Variants in PLAT observed in about 807,000 individuals in gnomAD.
PLAT encodes the protein tissue-type plasminogen activator.
A neutral mutation model predicts 74.9 loss-of-function variants in PLAT; 48 were observed. That is an observed-to-expected ratio of 0.64 (90% CI 0.51 to 0.82). The LOEUF (loss-of-function observed/expected upper bound fraction) is 0.82. PLAT is among the 40% of genes least tolerant of loss of function. The pLI is 0.00. For synonymous variants in PLAT, 307 were observed against 294.4 expected, an observed-to-expected ratio of 1.04 and a Z score of -0.44; for missense variants, 673 against 736.2, an observed-to-expected ratio of 0.91 and a Z score of 0.99.
chr8:42,178,332 G>A lies in PLAT; in HGVS notation c.1530+565C>T, dbSNP rs556450359. ...GTTGCCCAGGCTGAAGCGCAATGGCGCGATCTCGGCTCACTGCAACCTCTG... is the reference window on the plus strand; with the variant it reads ...GTTGCCCAGGCTGAAGCGCAATGGCACGATCTCGGCTCACTGCAACCTCTG... On this transcript the variant is annotated intron_variant, in intron 13 of 13. Transcript: ENST00000220809. 2.2e-4 allele frequency among the ~76,000 whole-genome samples: 32 copies of A among 147,968 alleles called. No individual in the cohort carries two copies. In the South Asian group the frequency reaches 5.1e-3, roughly 24 times the overall value.
At chr8:42,190,197 G>C (rs1452753472) in intron 3 of PLAT, among the ~76,000 whole-genome samples, 1 of 152,158 alleles carries the variant, frequency 6.6e-6, no homozygotes, top group Non-Finnish European at 1.5e-5. Flanking sequence ...GCCTCCTAAA[G>C]TGCTGGAGTT....
At chr8:42,191,182 G>A (rs1044184043) in intron 3 of PLAT, among the ~76,000 whole-genome samples, 190 bp downstream of exon 3, 1 of 152,146 alleles carries the variant, frequency 6.6e-6, no homozygotes, top group African/African-American at 2.4e-5. Context: ...ATCAGAACCC[G>A]CCCAGTGGCC....
At chr8:42,191,141 G>A (rs8178734) in intron 3 of PLAT, among the ~76,000 whole-genome samples, 3 of 152,108 alleles carry the variant, frequency 2.0e-5, no homozygotes, top group South Asian at 2.1e-4. Flanking sequence ...TGGCTCCTTG[G>A]GGGGGAACAC....
intron 3 of PLAT, among the ~76,000 whole-genome samples, chr8:42,190,134 A>G (rs904389559): frequency 6.6e-5 from 10 of 151,708 alleles, no homozygotes; most frequent in Admixed American, 6.6e-5. Flanking sequence ...GTGTCTCACT[A>G]TGTTGCCCAT....
chr8:42,179,709 C>T (rs1317561410), intron 12 of PLAT, among the ~76,000 whole-genome samples: 1 of 152,194 alleles, frequency 6.6e-6, no homozygotes, highest in East Asian at 1.9e-4. Context: ...TGCAGCACTT[C>T]GAGGCCCTCA....
chr8:42,202,359 A>G (rs1449164206), intron 1 of PLAT, among the ~76,000 whole-genome samples: 1 of 152,002 alleles, frequency 6.6e-6, no homozygotes, highest in East Asian at 1.9e-4. Flanking sequence ...ATACTGGGTT[A>G]TCGGGTTTAG....
At position 42,176,178 on chromosome 8, in the gene PLAT, T is replaced by G. The variant is rs767714667; in HGVS notation, c.1531-27A>C. The G allele has an allele frequency of 5.0e-6, 8 of 1,588,346 alleles. No homozygotes were observed. In the African/African-American group the frequency reaches 1.1e-4, roughly 22 times the overall value. On this transcript the variant is annotated intron_variant, in intron 13 of 13. Coordinates refer to ENST00000220809, the MANE Select transcript of PLAT (RefSeq NM_000930.5). Reference sequence around the variant, plus strand: ...TGCAAAGGAGATAGCAGGTTTGGCGTTTGCAAAAAAAGCAGACTATCTGGA... The same window carrying G: ...TGCAAAGGAGATAGCAGGTTTGGCGGTTGCAAAAAAAGCAGACTATCTGGA...
chr8:42,187,451 G>A lies in PLAT; in HGVS notation c.486C>T (p.Ser162=), dbSNP rs372015609. The change falls in exon 6 of 14, where the codon AGC becomes AGT. Residue 162 remains serine, a synonymous_variant. Coordinates refer to ENST00000220809, the MANE Select transcript of PLAT (RefSeq NM_000930.5). ...GCCTGATGGCGTCTGGCCTCCGCCCGCTGTAGGGCTTCTGGGCCAACGCGC... is the reference window on the plus strand; with the variant it reads ...GCCTGATGGCGTCTGGCCTCCGCCCACTGTAGGGCTTCTGGGCCAACGCGC... ...NSSALAQKPY[S]GRRPDAIRLG... The A allele has an allele frequency of 1.6e-4, 257 of 1,604,818 alleles. No individual in the cohort carries two copies. The highest frequency in any genetic ancestry group is 2.0e-4 in the Non-Finnish European group (241 of 1,179,240).
At chr8:42,188,375 G>A in intron 4 of PLAT, 1 of 200,972 alleles carries the variant, frequency 5.0e-6, no homozygotes. Context: ...CATGAAGTGT[G>A]TACTGTTATT....
In PLAT at chr8:42,194,239, AGAGTGTGT is replaced by A. The variant is rs1374754359; in HGVS notation, c.-26-1036_-26-1029del. ...CTGAGAGAGAGAGAGAGAGAGAGAG[AGAGTGTGT>A]GTGTGTGTGTGTGTGTGTGTGTGTG... On this transcript the variant is annotated intron_variant, in intron 1 of 13. Coordinates refer to ENST00000220809, the MANE Select transcript of PLAT (RefSeq NM_000930.5). Among the ~76,000 whole-genome samples the A allele has an allele frequency of 4.1e-3, 433 of 106,200 alleles. 3 individuals carry two copies. Among genetic ancestry groups the A allele is most frequent in the South Asian group, 9.6e-3 (30 of 3,116 alleles). The allele number at this position is 106,200 out of a possible 152,430, so 69.7% of individuals were successfully genotyped here. A position where few individuals can be genotyped will look rare whatever the true frequency, so the allele number is the denominator to read the frequency against.
chr8:42,188,166 T>A (rs539977281), intron 4 of PLAT, 150 bp from the exon 5 acceptor site: 4 of 536,164 alleles, frequency 7.5e-6, no homozygotes, highest in African/African-American at 5.8e-5. Context: ...CTACAAATAC[T>A]GTTTTCATCC....
At chr8:42,200,702 G>T (rs975854458) in intron 1 of PLAT, among the ~76,000 whole-genome samples, 2 of 147,402 alleles carry the variant, frequency 1.4e-5, no homozygotes, top group Non-Finnish European at 3.0e-5. Context: ...AAGTATAAGC[G>T]TCGTGCTGTA....
At chr8:42,177,827 A>G (rs1805029208) in intron 13 of PLAT, among the ~76,000 whole-genome samples, 1 of 152,194 alleles carries the variant, frequency 6.6e-6, no homozygotes, top group Non-Finnish European at 1.5e-5. Flanking sequence ...AGGGAATCAG[A>G]GGGGAAACCG....
intron 1 of PLAT, among the ~76,000 whole-genome samples, chr8:42,200,891 G>A (rs1263126655): frequency 6.6e-6 from 1 of 151,750 alleles, no homozygotes. Context: ...TTGCAACGGT[G>A]CAATCTCAGC....
chr8:42,176,033 G>A lies in PLAT; in HGVS notation c.1649C>T (p.Thr550Ile), dbSNP rs772059968. ...GTCACGAATCCAGTCTAGGTAGTTGGTAACCTTGGTGTACACACCCGGGAC... is the reference window on the plus strand; with the variant it reads ...GTCACGAATCCAGTCTAGGTAGTTGATAACCTTGGTGTACACACCCGGGAC... Reference protein sequence around the residue: ...KDVPGVYTKVTNYLDWIRDNM... With the variant: ...KDVPGVYTKVINYLDWIRDNM... Residue 550 changes from threonine to isoleucine, a missense_variant, in exon 14 of 14, where the codon ACC becomes ATC. Coordinates refer to ENST00000220809, the MANE Select transcript of PLAT (RefSeq NM_000930.5). 3.1e-6 allele frequency: 5 copies of A among 1,614,140 alleles called. No homozygotes were observed. The highest frequency in any genetic ancestry group is 1.1e-5 in the South Asian group (1 of 91,076).
chr8:42,191,608 C>G (rs532155554), intron 2 of PLAT, among the ~76,000 whole-genome samples, 194 bp from the exon 3 acceptor site: 1 of 152,152 alleles, frequency 6.6e-6, no homozygotes, highest in African/African-American at 2.4e-5. Flanking sequence ...CTGACTGGCT[C>G]TGTCCAGAAG....
intron 1 of PLAT, among the ~76,000 whole-genome samples, chr8:42,200,603 G>A (rs953227349): frequency 6.7e-6 from 1 of 150,026 alleles, no homozygotes; most frequent in Non-Finnish European, 1.5e-5. Context: ...CCTGAGCCTG[G>A]GAGTTTGAGG....
chr8:42,200,734 T>G (rs1409024657), intron 1 of PLAT, among the ~76,000 whole-genome samples: 1 of 149,068 alleles, frequency 6.7e-6, no homozygotes, highest in Non-Finnish European at 1.5e-5. Flanking sequence ...CTTGTGAGAG[T>G]TGGCATCAGG....
At chr8:42,194,045 TC>T (rs1328853750) in intron 1 of PLAT, among the ~76,000 whole-genome samples, 71 of 92,100 alleles carry the variant, frequency 7.7e-4, no homozygotes, top group African/African-American at 2.6e-3. Flanking sequence ...TCTTCTTTCT[TC>T]TTTCTTTTTT....
Sources: allele counts gnomAD v4.1 joint callset (sites outside exome capture counted in the v4.1 genomes callset), GRCh38; gene constraint gnomAD v4.1.1; transcripts MANE v1.5; gene names NCBI Gene and HGNC (gene_info 2026-07-23, HGNC 2026-07-21).